Variants in NCKAP5 observed in about 807,000 individuals in gnomAD.
NCKAP5 encodes nck-associated protein 5.
In NCKAP5, 92 loss-of-function variants were observed where a neutral mutation model predicts 167.0. The ratio of observed to expected loss-of-function variants is 0.55; its 90% confidence interval spans 0.47 to 0.66. The LOEUF is 0.66. Ranked by LOEUF, NCKAP5 falls within the 30% of genes least tolerant of loss-of-function variation. The pLI is 0.00. For missense variants in NCKAP5, 2,378 were observed against 2,315.0 expected (o/e 1.03, Z -0.56); for synonymous variants, 891 against 877.4 (o/e 1.02, Z -0.27).
At chr2:132,779,304 T>G (rs1682816109) in intron 15 of NCKAP5, among the ~76,000 whole-genome samples, 1 of 152,162 alleles carries the variant, frequency 6.6e-6, no homozygotes, top group Non-Finnish European at 1.5e-5. Flanking sequence ...TTTTGGTACT[T>G]CTGTACAGTG....
intron 2 of NCKAP5, among the ~76,000 whole-genome samples, chr2:133,541,112 C>G (rs1301464158): frequency 2.0e-5 from 3 of 150,870 alleles, no homozygotes; most frequent in Non-Finnish European, 4.4e-5. Flanking sequence ...ATGCATGTCA[C>G]AAATTATAAG....
intron 6 of NCKAP5, among the ~76,000 whole-genome samples, chr2:133,065,010 C>T (rs145202097): frequency 1.3e-5 from 2 of 152,292 alleles, no homozygotes; most frequent in African/African-American, 4.8e-5. Context: ...CAAGCAGCAA[C>T]AAACTGGATA....
intron 16 of NCKAP5, among the ~76,000 whole-genome samples, chr2:132,759,168 T>C (rs1248967485): frequency 6.6e-6 from 1 of 152,192 alleles, no homozygotes; most frequent in African/African-American, 2.4e-5. Flanking sequence ...ATCATGGTAC[T>C]TGCAGCTGAA....
intron 6 of NCKAP5, among the ~76,000 whole-genome samples, chr2:133,001,738 G>A (rs939645930): frequency 2.0e-5 from 3 of 152,082 alleles, no homozygotes; most frequent in South Asian, 2.1e-4. Flanking sequence ...CTGTTATCAC[G>A]TGGTAACATC....
intron 4 of NCKAP5, among the ~76,000 whole-genome samples, chr2:133,232,501 T>C (rs922480538): frequency 1.3e-5 from 2 of 152,154 alleles, no homozygotes; most frequent in African/African-American, 4.8e-5. Flanking sequence ...AATGTCCTAC[T>C]TAGTCCAAAA....
At chr2:133,514,166 G>A (rs542289844) in intron 3 of NCKAP5, among the ~76,000 whole-genome samples, 1 of 152,294 alleles carries the variant, frequency 6.6e-6, no homozygotes, top group East Asian at 1.9e-4. Context: ...TACTGGTGGA[G>A]GCAAACTTGT....
the NCKAP5 span, among the ~76,000 whole-genome samples, chr2:133,653,719 G>A: frequency 6.6e-6 from 1 of 152,198 alleles, no homozygotes; most frequent in Non-Finnish European, 1.5e-5. Flanking sequence ...CCAGATCCTA[G>A]AGTTCTGTAA....
chr2:133,213,394 GT>G (rs2086290382), intron 5 of NCKAP5, among the ~76,000 whole-genome samples: 1 of 152,280 alleles, frequency 6.6e-6, no homozygotes, highest in Non-Finnish European at 1.5e-5. Context: ...GAGCTGAGAG[GT>G]TTGAATTATG....
chr2:133,088,901 A>G (rs2081081989), intron 6 of NCKAP5, among the ~76,000 whole-genome samples: 1 of 152,212 alleles, frequency 6.6e-6, no homozygotes, highest in Admixed American at 6.5e-5. Flanking sequence ...TACAAGGCGT[A>G]CAAGAACATA....
intron 2 of NCKAP5, among the ~76,000 whole-genome samples, chr2:133,548,870 A>C (rs1213597355): frequency 6.6e-6 from 1 of 152,120 alleles, no homozygotes; most frequent in Non-Finnish European, 1.5e-5. Flanking sequence ...TCAAATTCAC[A>C]CATAACAATA....
chr2:132,836,520 C>CA (rs755919473), intron 11 of NCKAP5, among the ~76,000 whole-genome samples: 21 of 151,698 alleles, frequency 1.4e-4, no homozygotes, highest in Non-Finnish European at 2.2e-4. Context: ...TCATCAGTAA[C>CA]ACGTTCCATA....
At chr2:133,243,274 A>G (rs1269256984) in intron 4 of NCKAP5, among the ~76,000 whole-genome samples, 1 of 152,152 alleles carries the variant, frequency 6.6e-6, no homozygotes, top group African/African-American at 2.4e-5. Flanking sequence ...TGAACAAATA[A>G]GTGGTTCTAA....
intron 3 of NCKAP5, among the ~76,000 whole-genome samples, chr2:133,332,849 A>G (rs936515909): frequency 5.3e-5 from 8 of 152,244 alleles, no homozygotes; most frequent in Non-Finnish European, 1.0e-4. Context: ...TCAGAGTGAG[A>G]CAGCATGTCA....
chr2:132,784,822 TGAA>T lies in NCKAP5; in HGVS notation c.1986_1988del (p.Ser663del), dbSNP rs1490114597. ...CAAATATCACAGTCACACATTCTTCTGAAGAAGTCCTTTTTACAACTCTTTGCT... is the reference window on the plus strand; with the variant it reads ...CAAATATCACAGTCACACATTCTTCTGAAGTCCTTTTTACAACTCTTTGCT... On this transcript the variant is annotated inframe_deletion, in exon 14 of 20. Coordinates refer to ENST00000409261, the MANE Select transcript of NCKAP5 (RefSeq NM_207363.3). 6.3e-7 allele frequency: 1 copy of T among 1,585,504 alleles called. No individual in the cohort carries two copies. Among genetic ancestry groups the T allele is most frequent in the South Asian group, 1.2e-5 (1 of 86,514 alleles).
chr2:132,909,202 T>C (rs1173152136), intron 8 of NCKAP5, among the ~76,000 whole-genome samples: 1 of 152,056 alleles, frequency 6.6e-6, no homozygotes, highest in African/African-American at 2.4e-5. Context: ...ACAAATTAGC[T>C]ACGTGTGGTG....
chr2:133,243,909 G>A (rs1342428400), intron 4 of NCKAP5, among the ~76,000 whole-genome samples: 1 of 152,074 alleles, frequency 6.6e-6, no homozygotes, highest in East Asian at 1.9e-4. Flanking sequence ...TATACCATAG[G>A]CCACAAGCTG....
At chr2:133,402,857 C>T (rs191087983) in intron 3 of NCKAP5, among the ~76,000 whole-genome samples, 236 of 152,310 alleles carry the variant, frequency 1.5e-3, no homozygotes, top group Non-Finnish European at 2.8e-3. Flanking sequence ...AAATACCCAG[C>T]TTCAGGTATT....
intron 5 of NCKAP5, among the ~76,000 whole-genome samples, chr2:133,135,772 C>T (rs1002295554): frequency 6.6e-6 from 1 of 151,988 alleles, no homozygotes; most frequent in African/African-American, 2.4e-5. Context: ...CTCATCCAAG[C>T]CAATTTCATA....
intron 8 of NCKAP5, among the ~76,000 whole-genome samples, chr2:132,906,462 C>T (rs1027195928): frequency 5.3e-5 from 8 of 152,044 alleles, no homozygotes; most frequent in African/African-American, 1.9e-4. Context: ...GACCTTGCAC[C>T]CCAACCAAAA....
Sources: gnomAD v4.1 joint callset for allele counts (sites outside exome capture counted in the v4.1 genomes callset) on GRCh38, gnomAD v4.1.1 for gene constraint, MANE v1.5 for transcripts, NCBI Gene and HGNC (gene_info 2026-07-23, HGNC 2026-07-21) for gene names.